The following ZNF236 variants were observed in gnomAD, a reference collection of about 807,000 sequenced individuals.
ZNF236 encodes the protein regulated by glucose.
ZNF236 carries 50 observed loss-of-function variants against 191.2 expected under a neutral mutation model. That is an observed-to-expected ratio of 0.26 (90% CI 0.21 to 0.33). The LOEUF is 0.33. ZNF236 is among the 10% of genes least tolerant of loss of function. The pLI is 1.00. For missense variants in ZNF236, 1,754 were observed against 2,374.5 expected, an observed-to-expected ratio of 0.74 and a Z score of 5.43; for synonymous variants, 907 against 928.8, an observed-to-expected ratio of 0.98 and a Z score of 0.43.
At chr18:76,943,186 A>G (rs1217527727) in intron 26 of ZNF236, among the ~76,000 whole-genome samples, 3 of 151,904 alleles carry the variant, frequency 2.0e-5, no homozygotes, top group East Asian at 1.9e-4. Flanking sequence ...TTTGGAATAT[A>G]TATGTTTTTA....
intron 2 of ZNF236, among the ~76,000 whole-genome samples, chr18:76,850,256 A>G (rs1010388721): frequency 6.6e-6 from 1 of 152,212 alleles, no homozygotes; most frequent in African/African-American, 2.4e-5. Context: ...AGGTAGGAGC[A>G]TGTAAGCTAG....
At position 76,960,596 on chromosome 18, in the gene ZNF236, C is replaced by A; in HGVS notation, c.5243-83C>A. On this transcript the variant is annotated intron_variant, in intron 29 of 30. Coordinates refer to ENST00000320610, the MANE Select transcript of ZNF236 (RefSeq NM_001306089.2). This position sits in a 1 kb window ranked among gnomAD's most constrained non-coding sequence, Gnocchi z 4.4. ...TAAAAGAAAAGAGGAACATTCAGTC[C>A]CTCTTGTTCATACCTCAGGGTAGAG... 6 of 1,506,344 alleles carry A rather than the reference C, an allele frequency of 4.0e-6. No individual in the cohort carries two copies. The highest frequency in any genetic ancestry group is 5.5e-6 in the Non-Finnish European group (6 of 1,090,986). 93.3% of individuals were successfully genotyped at this position (1,506,344 alleles called of 1,614,324 possible).
Position 76,822,866 on chromosome 18 carries a change from C to T in ZNF236, c.55+204C>T, listed in dbSNP as rs937209738. ...ATACGGGCGAGTCGCCGCCCGGCCC[C>T]TCCGCGCGCTGGGCCTACTTTCCTG... On this transcript the variant is annotated intron_variant, in intron 1 of 30. Coordinates refer to ENST00000320610, the MANE Select transcript of ZNF236 (RefSeq NM_001306089.2). 1.7e-4 allele frequency among the ~76,000 whole-genome samples: 25 copies of T among 147,580 alleles called. 1 individual carries two copies. The highest frequency in any genetic ancestry group is 5.9e-4 in the African/African-American group (24 of 41,024).
Position 76,927,972 on chromosome 18 carries a change from C to A in ZNF236, c.4460C>A (p.Ser1487Tyr), listed in dbSNP as rs1263107570. Residue 1487 changes from serine (S) to tyrosine (Y), a missense_variant, in exon 25 of 31, where the codon TCC becomes TAC. Transcript: ENST00000320610. This position sits in a 1 kb window ranked among gnomAD's most constrained non-coding sequence, Gnocchi z 5.4. ...TQVMTSQGLVSPSGGPHEITL... is the reference protein window; with the variant it reads ...TQVMTSQGLVYPSGGPHEITL... ...GTGATGACTTCGCAAGGTCTAGTGT[C>A]CCCCTCCGGCGGTCCCCACGAGATC... 1.9e-6 allele frequency: 3 copies of A among 1,613,350 alleles called. No homozygotes were observed. Among genetic ancestry groups the A allele is most frequent in the Non-Finnish European group, 2.5e-6 (3 of 1,179,716 alleles).
At position 76,919,650 on chromosome 18, in the gene ZNF236, C is replaced by T; in HGVS notation, c.3275-126C>T. 8.5e-7 allele frequency: 1 copy of T among 1,174,834 alleles called. No homozygotes were observed. Among genetic ancestry groups the T allele is most frequent in the East Asian group, 2.5e-5 (1 of 40,382 alleles). 72.8% of individuals were successfully genotyped at this position (1,174,834 alleles called of 1,614,324 possible). ...GGAAAATATAGCAACTCTCTACCAT[C>T]ATAAAAATAGCTTGGTTGAGTTATT... On this transcript the variant is annotated intron_variant, in intron 19 of 30. Transcript: ENST00000320610. This position sits in a 1 kb window ranked among gnomAD's most constrained non-coding sequence, Gnocchi z 5.3.
At chr18:76,837,757 A>G (rs1000629383) in intron 1 of ZNF236, among the ~76,000 whole-genome samples, 3 of 151,690 alleles carry the variant, frequency 2.0e-5, no homozygotes, top group Non-Finnish European at 4.4e-5. Flanking sequence ...TCAGTTTTTA[A>G]CCTTTGTATA....
intron 1 of ZNF236, among the ~76,000 whole-genome samples, chr18:76,848,030 T>G (rs2122497840): frequency 6.6e-6 from 1 of 152,336 alleles, no homozygotes; most frequent in South Asian, 2.1e-4. Flanking sequence ...TTGCAGCTGT[T>G]GCTGACTTCC....
chr18:76,963,193 T>A (rs1456612047), intron 30 of ZNF236, among the ~76,000 whole-genome samples: 1 of 152,220 alleles, frequency 6.6e-6, no homozygotes, highest in East Asian at 1.9e-4. Context: ...CATCATTCGA[T>A]ATTATGTTGG....
At chr18:76,902,799 C>T (rs55885727) in intron 11 of ZNF236, among the ~76,000 whole-genome samples, 6,029 of 148,440 alleles carry the variant, frequency 0.041, 192 homozygotes, top group Non-Finnish European at 0.061. Context: ...GCATGTTGGC[C>T]AGGCTGATCT....
Position 76,910,811 on chromosome 18 carries a change from A to G in ZNF236, c.2805A>G (p.Val935=). The G allele has an allele frequency of 6.2e-7, 1 of 1,614,124 alleles. No individual in the cohort carries two copies. Among genetic ancestry groups the G allele is most frequent in the Middle Eastern group, 1.6e-4 (1 of 6,062 alleles). ...CTCCCAGCTCTGATGGGATGAATGT[A>G]GTGAGTATGGACAGAGGGGTGCATA... is the stretch of plus-strand genomic sequence containing the variant. ...LQAPSSDGMN[V]TTRLIQESSQ... The change falls in exon 16 of 31, where the codon GTA becomes GTG. Residue 935 remains valine (V), a splice_region_variant and synonymous_variant. Coordinates refer to ENST00000320610, the MANE Select transcript of ZNF236 (RefSeq NM_001306089.2).
At chr18:76,963,399 C>T (rs968516200) in intron 30 of ZNF236, among the ~76,000 whole-genome samples, 2 of 152,104 alleles carry the variant, frequency 1.3e-5, no homozygotes, top group African/African-American at 2.4e-5. Flanking sequence ...TATGTTAAAC[C>T]ATTCCTGCAT....
intron 2 of ZNF236, among the ~76,000 whole-genome samples, chr18:76,850,121 T>G (rs904707127): frequency 6.6e-6 from 1 of 152,220 alleles, no homozygotes; most frequent in South Asian, 2.1e-4. Context: ...AAATTTGCAC[T>G]CTTTTTTGCA....
chr18:76,924,407 C>G (rs996520608), intron 21 of ZNF236, among the ~76,000 whole-genome samples: 2 of 152,194 alleles, frequency 1.3e-5, no homozygotes, highest in Admixed American at 6.5e-5. Flanking sequence ...GCCTCTTTCT[C>G]CATTCTGAAG....
At chr18:76,887,482 C>A (rs1977092510) in intron 9 of ZNF236, 1 of 152,216 alleles carries the variant, frequency 6.6e-6, no homozygotes, top group Admixed American at 6.6e-5. Flanking sequence ...CTTCTATTAA[C>A]CCAGTCCTAG....
chr18:76,875,440 A>G lies in ZNF236; in HGVS notation c.668-52A>G. 1 of 1,412,946 alleles carries G rather than the reference A, an allele frequency of 7.1e-7. No homozygotes were observed. Among genetic ancestry groups the G allele is most frequent in the Non-Finnish European group, 9.3e-7 (1 of 1,071,306 alleles). 87.5% of individuals were successfully genotyped at this position (1,412,946 alleles called of 1,614,324 possible). On this transcript the variant is annotated intron_variant, in intron 5 of 30. Coordinates refer to ENST00000320610, the MANE Select transcript of ZNF236 (RefSeq NM_001306089.2). This position sits in a 1 kb window ranked among gnomAD's most constrained non-coding sequence, Gnocchi z 4.3. The stretch of plus-strand genomic sequence containing the variant: ...TCAGTGTTGTTCTTTTCAATCCGTA[A>G]GATGCCCATACAATATGGAATTATA...
chr18:76,924,024 A>G (rs1412809655), intron 21 of ZNF236, among the ~76,000 whole-genome samples: 1 of 152,202 alleles, frequency 6.6e-6, no homozygotes, highest in Non-Finnish European at 1.5e-5. Flanking sequence ...ACAGACAAGA[A>G]CAAATGGACT....
At chr18:76,905,552 A>G in intron 13 of ZNF236, 137 bp downstream of exon 13, 1 of 65,080 alleles carries the variant, frequency 1.5e-5, no homozygotes, top group Admixed American at 6.2e-4. Flanking sequence ...CAAGAAAAAA[A>G]AAAAAAAAAA....
rs962473808 is a variant in ZNF236, at chr18:76,912,374, G to A, written c.2909+27G>A. The A allele has an allele frequency of 2.6e-6, 4 of 1,559,318 alleles. No individual in the cohort carries two copies. In the African/African-American group the frequency reaches 5.4e-5, roughly 21 times the overall value. Reference sequence around the variant, plus strand: ...TAGTTGTCTGCACAGACCAGCTCATGGTATTGCCGGCTCCCAGGAACGGAT... The same window carrying A: ...TAGTTGTCTGCACAGACCAGCTCATAGTATTGCCGGCTCCCAGGAACGGAT... On this transcript the variant is annotated intron_variant, in intron 17 of 30. Transcript: ENST00000320610.
chr18:76,931,992 C>T (rs972299880), intron 25 of ZNF236, among the ~76,000 whole-genome samples: 3 of 152,208 alleles, frequency 2.0e-5, no homozygotes, highest in Admixed American at 6.5e-5. Context: ...TTCATTTATT[C>T]CATAAAAGAT....
Sources: allele counts gnomAD v4.1 joint callset (sites outside exome capture counted in the v4.1 genomes callset), GRCh38; gene constraint gnomAD v4.1.1; non-coding constraint Gnocchi (gnomAD v3.1); transcripts MANE v1.5; gene names NCBI Gene and HGNC (gene_info 2026-07-23, HGNC 2026-07-21).